Variants in GALNT17 observed in about 807,000 individuals in gnomAD.
The protein encoded by GALNT17 is UDP-GalNAc:polypeptide N-acetylgalactosaminyltransferase-like 3.
A neutral mutation model predicts 63.7 loss-of-function variants in GALNT17; 29 were observed. That is an observed-to-expected ratio of 0.46 (90% CI 0.34 to 0.62). GALNT17 has a LOEUF of 0.62. Ranked by LOEUF, GALNT17 falls within the 20% of genes least tolerant of loss-of-function variation. The probability of loss-of-function intolerance (pLI) is 0.01; values close to 1 mark genes in which losing one functional copy is unlikely to be tolerated. For synonymous variants in GALNT17, 305 were observed against 318.3 expected, an observed-to-expected ratio of 0.96 and a Z score of 0.45; for missense variants, 603 against 799.6, an observed-to-expected ratio of 0.75 and a Z score of 2.97.
chr7:71,595,660 G>GACAC lies in GALNT17; in HGVS notation c.1080+24299_1080+24302dup, dbSNP rs61389262. Among the ~76,000 whole-genome samples the GACAC allele has an allele frequency of 4.6e-3, 655 of 142,772 alleles. 6 individuals are homozygous for GACAC. Among genetic ancestry groups the GACAC allele is most frequent in the African/African-American group, 8.8e-3 (340 of 38,694 alleles). The allele number at this position is 142,772 out of a possible 152,430, so 93.7% of individuals were successfully genotyped here. A position where few individuals can be genotyped will look rare whatever the true frequency, so the allele number is the denominator to read the frequency against. ...TAAGATGCATAGAGAGAGAGACTGAGACACACACACACACACACACACACA... is the reference window on the plus strand; with the variant it reads ...TAAGATGCATAGAGAGAGAGACTGAGACACACACACACACACACACACACACACA... On this transcript the variant is annotated intron_variant, in intron 6 of 10. Coordinates refer to ENST00000333538, the MANE Select transcript of GALNT17 (RefSeq NM_022479.3).
chr7:71,353,953 C>T (rs967862546), intron 2 of GALNT17, among the ~76,000 whole-genome samples: 2 of 152,082 alleles, frequency 1.3e-5, no homozygotes, highest in Admixed American at 1.3e-4. Context: ...AGGAAACTTA[C>T]AATTGTGGCG....
At chr7:71,456,980 GA>G (rs1275294089) in intron 5 of GALNT17, among the ~76,000 whole-genome samples, 9 of 152,198 alleles carry the variant, frequency 5.9e-5, no homozygotes, top group Admixed American at 5.9e-4. Context: ...ATAAGAGACA[GA>G]AGGTTGAATT....
chr7:71,274,106 C>T (rs1790641870), intron 1 of GALNT17, among the ~76,000 whole-genome samples: 1 of 152,292 alleles, frequency 6.6e-6, no homozygotes, highest in South Asian at 2.1e-4. Flanking sequence ...AGGGAACCTT[C>T]ATTTGTGGCT....
chr7:71,336,570 G>A lies in GALNT17; in HGVS notation c.422+837G>A, dbSNP rs146735528. Among the ~76,000 whole-genome samples the A allele has an allele frequency of 2.4e-3, 358 of 152,108 alleles. 1 individual carries two copies. Among genetic ancestry groups the A allele is most frequent in the African/African-American group, 7.2e-3 (298 of 41,496 alleles). ...CCATGTGTACTCGTCGTTTAGCCCC[G>A]ACTTATAAGTGAGAACTGGTGGTAT... is the stretch of plus-strand genomic sequence containing the variant. On this transcript the variant is annotated intron_variant, in intron 2 of 10. Transcript: ENST00000333538.
chr7:71,468,749 C>T (rs779161602), intron 5 of GALNT17, among the ~76,000 whole-genome samples: 3 of 152,102 alleles, frequency 2.0e-5, no homozygotes, highest in Non-Finnish European at 4.4e-5. Context: ...TGGGTGTTTG[C>T]GATGGTGTCT....
At chr7:71,253,799 A>T (rs958668318) in intron 1 of GALNT17, among the ~76,000 whole-genome samples, 1 of 152,244 alleles carries the variant, frequency 6.6e-6, no homozygotes, top group African/African-American at 2.4e-5. Context: ...CCAAATTCTG[A>T]TTCTAAAACC....
At chr7:71,600,438 A>G (rs1320762247) in intron 6 of GALNT17, among the ~76,000 whole-genome samples, 1 of 152,156 alleles carries the variant, frequency 6.6e-6, no homozygotes, top group Non-Finnish European at 1.5e-5. Context: ...ACGGAAAACC[A>G]GAGACTCATG....
intron 5 of GALNT17, among the ~76,000 whole-genome samples, chr7:71,463,879 G>T (rs1313988927): frequency 1.3e-5 from 2 of 152,126 alleles, no homozygotes; most frequent in Non-Finnish European, 2.9e-5. Context: ...GATTTGGCAG[G>T]CTTCTTTACT....
chr7:71,526,236 G>A (rs549237566), intron 5 of GALNT17, among the ~76,000 whole-genome samples: 87 of 152,188 alleles, frequency 5.7e-4, no homozygotes, highest in Admixed American at 1.2e-3. Flanking sequence ...TGTGACTGCC[G>A]CTTACGCACA....
At chr7:71,306,259 A>C (rs781769223) in intron 1 of GALNT17, among the ~76,000 whole-genome samples, 5 of 124,044 alleles carry the variant, frequency 4.0e-5, no homozygotes, top group African/African-American at 5.8e-5. Context: ...TAAAACATAC[A>C]TAACATGAAA....
chr7:71,335,286 G>A (rs1050791145), intron 1 of GALNT17, among the ~76,000 whole-genome samples: 3 of 151,938 alleles, frequency 2.0e-5, no homozygotes, highest in Non-Finnish European at 2.9e-5. Flanking sequence ...TGTGCACCAC[G>A]ACGCCCAGCT....
At chr7:71,283,978 T>C (rs1440816662) in intron 1 of GALNT17, 2 of 152,212 alleles carry the variant, frequency 1.3e-5, no homozygotes, top group African/African-American at 2.4e-5. Flanking sequence ...CAGCACTCTG[T>C]ATAATGGACC....
chr7:71,514,276 C>T (rs1333841893), intron 5 of GALNT17, among the ~76,000 whole-genome samples: 1 of 152,126 alleles, frequency 6.6e-6, no homozygotes, highest in East Asian at 1.9e-4. Flanking sequence ...CACACTGGCG[C>T]AGCTGGGAAC....
At chr7:71,651,422 A>G (rs1405497173) in intron 6 of GALNT17, among the ~76,000 whole-genome samples, 1 of 151,158 alleles carries the variant, frequency 6.6e-6, no homozygotes, top group African/African-American at 2.4e-5. Flanking sequence ...CCTGCCTCAG[A>G]CTCCTGGGTA....
At chr7:71,605,222 C>A (rs575259166) in intron 6 of GALNT17, among the ~76,000 whole-genome samples, 1 of 152,256 alleles carries the variant, frequency 6.6e-6, no homozygotes, top group Non-Finnish European at 1.5e-5. Context: ...TTTATTTATT[C>A]TTTTGCTCAT....
intron 1 of GALNT17, among the ~76,000 whole-genome samples, chr7:71,183,726 CACT>C (rs1562893457): frequency 6.6e-6 from 1 of 151,050 alleles, no homozygotes; most frequent in African/African-American, 2.4e-5. Flanking sequence ...GTGAAACCCC[CACT>C]GTACGAAAAA....
chr7:71,204,570 C>CTTTTTT (rs200937071), intron 1 of GALNT17, among the ~76,000 whole-genome samples: 3 of 140,810 alleles, frequency 2.1e-5, no homozygotes, highest in South Asian at 2.3e-4. Flanking sequence ...TTTTCTTTTT[C>CTTTTTT]TTTTTTTTTT....
At chr7:71,553,324 C>T (rs1043473943) in intron 5 of GALNT17, among the ~76,000 whole-genome samples, 1 of 151,190 alleles carries the variant, frequency 6.6e-6, no homozygotes, top group African/African-American at 2.4e-5. Context: ...AAGACCTTGT[C>T]TCTTTAAAAA....
At chr7:71,547,220 A>G (rs1412435625) in intron 5 of GALNT17, among the ~76,000 whole-genome samples, 1 of 151,918 alleles carries the variant, frequency 6.6e-6, no homozygotes, top group Non-Finnish European at 1.5e-5. Flanking sequence ...GCTGGAGTGC[A>G]GTGGCGCGAT....
Sources: allele counts gnomAD v4.1 joint callset (sites outside exome capture counted in the v4.1 genomes callset), GRCh38; gene constraint gnomAD v4.1.1; transcripts MANE v1.5; gene names NCBI Gene and HGNC (gene_info 2026-07-23, HGNC 2026-07-21).